The following NCK2 variants were observed in gnomAD, a reference collection of about 807,000 sequenced individuals.
The protein encoded by NCK2 is cytoplasmic protein NCK2.
A neutral mutation model predicts 33.9 loss-of-function variants in NCK2; 16 were observed. The ratio of observed to expected loss-of-function variants is 0.47; its 90% CI spans 0.32 to 0.72. NCK2 has a LOEUF of 0.72. Among genes scored for constraint, NCK2 ranks in the 30% least tolerant of loss-of-function variants. The pLI, the probability that NCK2 is intolerant of heterozygous loss-of-function variation, is 0.03. For missense variants in NCK2, 418 were observed against 537.3 expected (o/e 0.78, Z 2.19); for synonymous variants, 273 against 239.9 (o/e 1.14, Z -1.27).
chr2:105,766,834 G>A (rs4851848), intron 1 of NCK2, among the ~76,000 whole-genome samples: 51,094 of 151,984 alleles, frequency 0.34, 9,683 homozygotes, highest in East Asian at 0.46. Flanking sequence ...TCTGTAGTGA[G>A]TAGTGTTAGT....
intron 2 of NCK2, among the ~76,000 whole-genome samples, chr2:105,843,931 C>A (rs1676747847): frequency 6.6e-6 from 1 of 152,190 alleles, no homozygotes; most frequent in South Asian, 2.1e-4. Context: ...GTGGAGAATC[C>A]TGACAAACAC....
At chr2:105,861,735 G>C (rs368197614) in intron 3 of NCK2, among the ~76,000 whole-genome samples, 1 of 151,840 alleles carries the variant, frequency 6.6e-6, no homozygotes, top group Non-Finnish European at 1.5e-5. Flanking sequence ...GGCTGGTCTC[G>C]AACTCCTGAC....
chr2:105,826,739 C>T (rs1411728741), intron 2 of NCK2, among the ~76,000 whole-genome samples: 1 of 152,118 alleles, frequency 6.6e-6, no homozygotes, highest in Non-Finnish European at 1.5e-5. Context: ...GTATCCTTTC[C>T]TCTGAGCAGC....
intron 2 of NCK2, among the ~76,000 whole-genome samples, chr2:105,828,594 T>C (rs1676046081): frequency 6.6e-6 from 1 of 152,196 alleles, no homozygotes; most frequent in South Asian, 2.1e-4. Context: ...TGGCAGCTAC[T>C]GCAAATGAAA....
intron 1 of NCK2, among the ~76,000 whole-genome samples, chr2:105,780,581 C>T (rs769306828): frequency 2.0e-5 from 3 of 152,172 alleles, no homozygotes; most frequent in Non-Finnish European, 2.9e-5. Flanking sequence ...TGTAATTATG[C>T]TGAAACATCA....
intron 4 of NCK2, among the ~76,000 whole-genome samples, chr2:105,884,745 T>G (rs1678650879): frequency 6.6e-6 from 1 of 152,220 alleles, no homozygotes; most frequent in Admixed American, 6.5e-5. Context: ...ACGAACCTCT[T>G]GGACCCTCTT....
At chr2:105,799,065 G>A (rs1691179527) in intron 1 of NCK2, among the ~76,000 whole-genome samples, 1 of 152,034 alleles carries the variant, frequency 6.6e-6, no homozygotes, top group South Asian at 2.1e-4. Context: ...TGGTGTGTTG[G>A]TCTTTTCTTG....
rs143439867 is a variant in NCK2, at chr2:105,767,812, CAG to C, written c.-201+22675_-201+22676del. On this transcript the variant is annotated intron_variant, in intron 1 of 4. Coordinates refer to ENST00000233154, the MANE Select transcript of NCK2 (RefSeq NM_003581.5). ...AGGAGGAGGAGGATACCCATTGTCT[CAG>C]GGGATTGCTAGCATGAAATTGTGGG... Among the ~76,000 whole-genome samples the C allele has an allele frequency of 6.5e-3, 992 of 152,306 alleles. 8 individuals are homozygous for C. The highest frequency in any genetic ancestry group is 0.023 in the African/African-American group (950 of 41,560).
intron 1 of NCK2, among the ~76,000 whole-genome samples, chr2:105,793,409 C>A (rs1380009848): frequency 2.0e-5 from 3 of 151,214 alleles, no homozygotes; most frequent in Admixed American, 6.6e-5. Flanking sequence ...CATCTTGGAT[C>A]CCACTGGTTT....
chr2:105,875,490 G>A (rs925754065), intron 3 of NCK2, among the ~76,000 whole-genome samples: 14 of 152,172 alleles, frequency 9.2e-5, no homozygotes, highest in East Asian at 3.8e-4. Context: ...GCCTCAGATC[G>A]TGTTCCCCCC....
chr2:105,759,395 T>C (rs1689692503), intron 1 of NCK2, among the ~76,000 whole-genome samples: 1 of 152,232 alleles, frequency 6.6e-6, no homozygotes, highest in Admixed American at 6.5e-5. Context: ...GAGCACAGTG[T>C]TTTAACGTTT....
chr2:105,825,129 G>A (rs1318866724), intron 2 of NCK2, among the ~76,000 whole-genome samples: 2 of 152,188 alleles, frequency 1.3e-5, no homozygotes, highest in East Asian at 1.9e-4. Context: ...TTGGAGCTCT[G>A]TGAGTCCATG....
intron 1 of NCK2, among the ~76,000 whole-genome samples, chr2:105,814,366 C>T (rs954165779): frequency 6.6e-6 from 1 of 152,234 alleles, no homozygotes; most frequent in Non-Finnish European, 1.5e-5. Flanking sequence ...TGGCACCTTT[C>T]AATGGATTTT....
At chr2:105,882,914 T>C (rs1027287205) in intron 4 of NCK2, among the ~76,000 whole-genome samples, 1 of 152,218 alleles carries the variant, frequency 6.6e-6, no homozygotes, top group Non-Finnish European at 1.5e-5. Context: ...ATGCACGCTA[T>C]AAGACTAGTA....
chr2:105,855,050 G>T lies in NCK2; in HGVS notation c.-14G>T. ...ATCTCCAAATGTTTTGCTGGCAGAAGGACTCCATGAAAGATGACAGAAGAA... is the reference window on the plus strand; with the variant it reads ...ATCTCCAAATGTTTTGCTGGCAGAATGACTCCATGAAAGATGACAGAAGAA... On this transcript the variant is annotated splice_region_variant and 5_prime_UTR_variant, in exon 3 of 5. The change creates a new upstream start codon in the 5' untranslated region. Transcript: ENST00000233154. The T allele has an allele frequency of 6.2e-7, 1 of 1,609,682 alleles. No homozygotes were observed. Among genetic ancestry groups the T allele is most frequent in the South Asian group, 1.1e-5 (1 of 90,990 alleles).
chr2:105,882,061 GCGCCCA>G lies in NCK2; in HGVS notation c.948+14_948+19del. ...ACAGCGAGTCCTCGGTAAGTGCGCT[GCGCCCA>G]CAGCTCCGGCTGCAGGCAGTAAATG... On this transcript the variant is annotated intron_variant, in intron 4 of 4. Coordinates refer to ENST00000233154, the MANE Select transcript of NCK2 (RefSeq NM_003581.5). 1 of 1,488,870 alleles carries G rather than the reference GCGCCCA, an allele frequency of 6.7e-7. No individual in the cohort carries two copies. Among genetic ancestry groups the G allele is most frequent in the Non-Finnish European group, 8.9e-7 (1 of 1,119,412 alleles). 92.2% of individuals were successfully genotyped at this position (1,488,870 alleles called of 1,614,324 possible).
At chr2:105,797,677 G>C (rs1691132966) in intron 1 of NCK2, among the ~76,000 whole-genome samples, 1 of 152,186 alleles carries the variant, frequency 6.6e-6, no homozygotes, top group Non-Finnish European at 1.5e-5. Context: ...CAGCGACTGT[G>C]TGGAGCCTCC....
intron 3 of NCK2, among the ~76,000 whole-genome samples, chr2:105,871,704 A>C (rs982707088): frequency 1.3e-5 from 2 of 152,084 alleles, no homozygotes; most frequent in African/African-American, 4.8e-5. Flanking sequence ...CATTTTGGCC[A>C]GGCTGGTCTT....
At chr2:105,877,804 C>G (rs1573238893) in intron 3 of NCK2, among the ~76,000 whole-genome samples, 1 of 152,324 alleles carries the variant, frequency 6.6e-6, no homozygotes, top group East Asian at 1.9e-4. Flanking sequence ...TGGGAATTTA[C>G]TGGGAGTACA....
Sources: allele counts gnomAD v4.1 joint callset (sites outside exome capture counted in the v4.1 genomes callset), GRCh38; gene constraint gnomAD v4.1.1; transcripts MANE v1.5; gene names NCBI Gene and HGNC (gene_info 2026-07-23, HGNC 2026-07-21).